Variants in ACIN1 observed in about 807,000 individuals in gnomAD.
ACIN1 encodes apoptotic chromatin condensation inducer in the nucleus.
A neutral mutation model predicts 146.6 loss-of-function variants in ACIN1; 16 were observed. The observed-to-expected ratio is 0.11, with a 90% CI of 0.07 to 0.17. ACIN1 has a LOEUF of 0.17. ACIN1 is among the 10% of genes least tolerant of loss of function. The probability of loss-of-function intolerance (pLI) is 1.00; values close to 1 mark genes in which losing one functional copy is unlikely to be tolerated. For synonymous variants in ACIN1, 569 were observed against 582.7 expected, an observed-to-expected ratio of 0.98 and a Z score of 0.34; for missense variants, 1,357 against 1,609.3, an observed-to-expected ratio of 0.84 and a Z score of 2.68.
rs1301290312 is a variant in ACIN1, at chr14:23,079,836, C to T, written c.1499G>A (p.Arg500Lys). The T allele has an allele frequency of 1.9e-6, 3 of 1,614,114 alleles. No individual in the cohort carries two copies. In the South Asian group the frequency reaches 3.3e-5, roughly 18 times the overall value. The change falls in exon 6 of 19, where the codon AGA becomes AAA. Residue 500 changes from arginine (R) to lysine (K), a missense_variant. By Grantham distance (26) the Arg-to-Lys change is conservative (BLOSUM62 2). Transcript: ENST00000605057. Reference protein sequence around the residue: ...KQPSLEQKEGRRASHTLLPSH... With the variant: ...KQPSLEQKEGKRASHTLLPSH... ...TGGGAGAAGGGTATGAGAAGCTCTT[C>T]TGCCTTCCTTCTGTTCCAAAGATGG...
intron 7 of ACIN1, among the ~76,000 whole-genome samples, 168 bp downstream of exon 7, chr14:23,078,652 C>T (rs943257834): frequency 7.2e-5 from 11 of 152,172 alleles, no homozygotes; most frequent in Non-Finnish European, 1.6e-4. Context: ...TCATGTAGAA[C>T]TTCTACGAAC....
rs190760210 is a variant in ACIN1 at position 23,061,898 on chromosome 14, C to T, written c.3099+270G>A. 9.7e-3 allele frequency among the ~76,000 whole-genome samples: 1,416 copies of T among 145,928 alleles called. 22 individuals are homozygous for T. The highest frequency in any genetic ancestry group is 0.034 in the African/African-American group (1,318 of 39,046). Reference sequence around the variant, plus strand: ...CTGAGGCAGGAGAATGGCGTGAACCCGGAAGGCGGAGCTTGCAGTGAGCTG... The same window carrying T: ...CTGAGGCAGGAGAATGGCGTGAACCTGGAAGGCGGAGCTTGCAGTGAGCTG... On this transcript the variant is annotated intron_variant, in intron 16 of 18. Transcript: ENST00000605057.
chr14:23,078,772 C>T, intron 7 of ACIN1, 48 bp downstream of exon 7: 1 of 1,568,648 alleles, frequency 6.4e-7, no homozygotes, highest in South Asian at 1.1e-5. Context: ...GAGGGAAGAT[C>T]TTGCTTAATC....
At position 23,061,076 on chromosome 14, in the gene ACIN1, G is replaced by A. The variant is rs2047265404; in HGVS notation, c.3525+8C>T. On this transcript the variant is annotated splice_region_variant and intron_variant, in intron 18 of 18. Transcript: ENST00000605057. ...ACTAGGGAGCAGGGCACGAAGAAGA[G>A]CACTCACCTGGCTGTCAGTCAGTGG... is the stretch of plus-strand genomic sequence containing the variant. The A allele has an allele frequency of 6.2e-7, 1 of 1,613,246 alleles. No individual in the cohort carries two copies. The highest frequency in any genetic ancestry group is 8.5e-7 in the Non-Finnish European group (1 of 1,179,722).
At chr14:23,091,798 AT>A (rs1212895953) in intron 2 of ACIN1, among the ~76,000 whole-genome samples, 1 of 151,966 alleles carries the variant, frequency 6.6e-6, no homozygotes, top group African/African-American at 2.4e-5. Flanking sequence ...TCATTTTTGC[AT>A]TTTTAGTATA....
chr14:23,069,652 G>GGGGGGGGGGGGGGC, intron 8 of ACIN1, 35 bp from the exon 9 acceptor site: 43 of 577,782 alleles, frequency 7.4e-5, no homozygotes, highest in East Asian at 2.6e-4. Flanking sequence ...GGGGGGGCGG[G>GGGGGGGGGGGGGGC]CAGAAAAGAA....
At position 23,067,519 on chromosome 14, in the gene ACIN1, T is replaced by TG. The variant is rs2047496711; in HGVS notation, c.2266-1512dup. 3 of 970,062 alleles carry TG rather than the reference T, an allele frequency of 3.1e-6. No individual in the cohort carries two copies. The highest frequency in any genetic ancestry group is 3.8e-5 in the African/African-American group (2 of 53,258). 60.1% of individuals were successfully genotyped at this position (970,062 alleles called of 1,614,324 possible). A position where few individuals can be genotyped will look rare whatever the true frequency, so the allele number is the denominator to read the frequency against. On this transcript the variant is annotated intron_variant, in intron 9 of 18. Transcript: ENST00000605057. The surrounding 1 kb of genome is among the most constrained non-coding windows in gnomAD (Gnocchi z 4.6). ...GCAGGGGGGGCGGGAGGGAAACGTG[T>TG]GGGGGGACGCTGCCCAGTTTCCATG... is the stretch of plus-strand genomic sequence containing the variant.
rs1294048567 is a variant in ACIN1 at position 23,058,958 on chromosome 14, T to A, written c.*190A>T. 3.3e-6 allele frequency: 2 copies of A among 597,574 alleles called. No individual in the cohort carries two copies. The highest frequency in any genetic ancestry group is 5.9e-6 in the Non-Finnish European group (2 of 339,500). The allele number at this position is 597,574 out of a possible 1,614,324, so 37.0% of individuals were successfully genotyped here. A position where few individuals can be genotyped will look rare whatever the true frequency, so the allele number is the denominator to read the frequency against. On this transcript the variant is annotated 3_prime_UTR_variant, in exon 19 of 19. Transcript: ENST00000605057. Reference sequence around the variant, plus strand: ...AAATGAGAGGGAGGGTCGGGCTAAGTCCCAAGAGATAGGTTAAGGGGGTGT... The same window carrying A: ...AAATGAGAGGGAGGGTCGGGCTAAGACCCAAGAGATAGGTTAAGGGGGTGT...
chr14:23,086,165 A>C (rs74667954), intron 4 of ACIN1, among the ~76,000 whole-genome samples: 1,861 of 152,316 alleles, frequency 0.012, 18 homozygotes, highest in Middle Eastern at 0.02. Flanking sequence ...CCAAACCTAA[A>C]TCTGACTCAT....
intron 15 of ACIN1, 32 bp downstream of exon 15, chr14:23,062,384 C>T: frequency 6.2e-7 from 1 of 1,611,092 alleles, no homozygotes; most frequent in Non-Finnish European, 8.5e-7. Context: ...AAATATATGC[C>T]ATGACCTATA....
intron 8 of ACIN1, among the ~76,000 whole-genome samples, chr14:23,075,038 A>G (rs2047762839): frequency 6.6e-6 from 1 of 152,208 alleles, no homozygotes; most frequent in Non-Finnish European, 1.5e-5. Flanking sequence ...AGCAAACTCT[A>G]TTGATGACAA....
chr14:23,076,821 G>A (rs573583102), intron 8 of ACIN1, among the ~76,000 whole-genome samples: 1 of 152,230 alleles, frequency 6.6e-6, no homozygotes, highest in Admixed American at 6.5e-5. Flanking sequence ...GGATATGGAA[G>A]AGAAAATGTC....
intron 4 of ACIN1, among the ~76,000 whole-genome samples, chr14:23,087,001 A>G (rs1594783212): frequency 2.0e-5 from 3 of 151,656 alleles, no homozygotes; most frequent in Admixed American, 2.0e-4. Context: ...CCAGGAATCC[A>G]TATTCTTAAA....
chr14:23,084,589 G>A (rs1317808748), intron 4 of ACIN1, among the ~76,000 whole-genome samples: 3 of 146,656 alleles, frequency 2.0e-5, no homozygotes, highest in South Asian at 2.1e-4. Flanking sequence ...CAGCCTGGGC[G>A]ACAGAGCGAG....
chr14:23,078,768 A>T, intron 7 of ACIN1, 52 bp downstream of exon 7: 2 of 1,555,570 alleles, frequency 1.3e-6, no homozygotes, highest in Non-Finnish European at 1.8e-6. Flanking sequence ...ACAAGAGGGA[A>T]GATCTTGCTT....
rs749777678 is a variant in ACIN1, at chr14:23,095,134, C to T, written c.-22G>A. 1.1e-5 allele frequency: 17 copies of T among 1,614,126 alleles called. No individual in the cohort carries two copies. Among genetic ancestry groups the T allele is most frequent in the Non-Finnish European group, 1.4e-5 (16 of 1,180,056 alleles). On this transcript the variant is annotated 5_prime_UTR_variant, in exon 1 of 19. Transcript: ENST00000605057. Reference sequence around the variant, plus strand: ...CCATCTTGCGTGAGGTACTCGGGTCCGTCCCGACGGCTTCGGGCATCTTCG... The same window carrying T: ...CCATCTTGCGTGAGGTACTCGGGTCTGTCCCGACGGCTTCGGGCATCTTCG...
chr14:23,058,785 G>A lies in ACIN1; in HGVS notation c.*363C>T, dbSNP rs948275710. On this transcript the variant is annotated 3_prime_UTR_variant, in exon 19 of 19. Coordinates refer to ENST00000605057, the MANE Select transcript of ACIN1 (RefSeq NM_001386863.1). ...TCATAGGTGACCCAGTCCTGGCCCC[G>A]GCTGTTCCCAAGAGAAGGCTGTAAG... 4.8e-5 allele frequency: 14 copies of A among 289,176 alleles called. No individual in the cohort carries two copies. Among genetic ancestry groups the A allele is most frequent in the Non-Finnish European group, 8.5e-5 (13 of 152,656 alleles). The allele number at this position is 289,176 out of a possible 1,614,324, so 17.9% of individuals were successfully genotyped here.
chr14:23,081,822 T>G lies in ACIN1; in HGVS notation c.451A>C (p.Ile151Leu). The G allele has an allele frequency of 6.2e-7, 1 of 1,611,306 alleles. No homozygotes were observed. Residue 151 changes from isoleucine (I) to leucine (L), a missense_variant, in exon 5 of 19, where the codon ATT becomes CTT. Around this residue, in one of 4 missense-constraint regions of ACIN1, gnomAD observed 771 missense variants for 746.6 expected, o/e 1.03. Transcript: ENST00000605057. ...SRHSPRKSSS[I>L]SEEKGDSDDE... ...TCAGAGTCACCTTTCTCTTCAGAAA[T>G]TGAGGAGCTTTTTCCTATTGAATGA...
Position 23,063,091 on chromosome 14 carries a change from A to G in ACIN1, c.2738-17T>C, listed in dbSNP as rs1261855456. 5 of 1,590,976 alleles carry G rather than the reference A, an allele frequency of 3.1e-6. No homozygotes were observed. The South Asian group carries it at 5.7e-5, about 18-fold the overall frequency. On this transcript the variant is annotated splice_polypyrimidine_tract_variant and intron_variant, in intron 13 of 18. Coordinates refer to ENST00000605057, the MANE Select transcript of ACIN1 (RefSeq NM_001386863.1). ...CTAAAGTCACTATCAAGAAGACCAC[A>G]AGAACAGCTTTTGGTAGGAAGCAAT...
Sources: allele counts gnomAD v4.1 joint callset (sites outside exome capture counted in the v4.1 genomes callset), GRCh38; gene constraint gnomAD v4.1.1; regional missense constraint gnomAD v4.1.1; non-coding constraint Gnocchi (gnomAD v3.1); transcripts MANE v1.5; gene names NCBI Gene and HGNC (gene_info 2026-07-23, HGNC 2026-07-21).